GRM7: variants seen among roughly 807,000 people sequenced by gnomAD.
The protein encoded by GRM7 is glutamate metabotropic receptor 7.
A neutral mutation model predicts 84.5 loss-of-function variants in GRM7; 35 were observed. The observed-to-expected ratio is 0.41, with a 90% CI of 0.32 to 0.55. The LOEUF (loss-of-function observed/expected upper bound fraction) is 0.55. Among genes scored for constraint, GRM7 ranks in the 20% least tolerant of loss-of-function variants. The pLI, the probability that GRM7 is intolerant of heterozygous loss-of-function variation, is 0.19. For synonymous variants in GRM7, 487 were observed against 455.1 expected (o/e 1.07, Z -0.89); for missense variants, 1,003 against 1,194.6 (o/e 0.84, Z 2.36).
chr3:7,108,066 C>G (rs973325160), intron 1 of GRM7, among the ~76,000 whole-genome samples: 1 of 151,976 alleles, frequency 6.6e-6, no homozygotes, highest in Non-Finnish European at 1.5e-5. Context: ...TTCACTGTAC[C>G]AAGCAATGGG....
chr3:7,346,819 AT>A (rs2125086342), intron 4 of GRM7, among the ~76,000 whole-genome samples: 1 of 152,254 alleles, frequency 6.6e-6, no homozygotes, highest in East Asian at 1.9e-4. Flanking sequence ...CTGATCCTTT[AT>A]GATAAGATGA....
At chr3:6,938,229 A>G (rs1697756917) in intron 1 of GRM7, among the ~76,000 whole-genome samples, 1 of 152,192 alleles carries the variant, frequency 6.6e-6, no homozygotes, top group Non-Finnish European at 1.5e-5. Flanking sequence ...GATTTCTCAA[A>G]TGTATTATAG....
At chr3:7,175,589 G>A (rs1283566136) in intron 2 of GRM7, among the ~76,000 whole-genome samples, 1 of 152,176 alleles carries the variant, frequency 6.6e-6, no homozygotes, top group Non-Finnish European at 1.5e-5. Flanking sequence ...CCAGGCTAGA[G>A]TGCAGTGGTG....
intron 1 of GRM7, among the ~76,000 whole-genome samples, chr3:7,130,192 A>G (rs751837928): frequency 3.3e-4 from 51 of 152,276 alleles, no homozygotes; most frequent in Non-Finnish European, 7.1e-4. Flanking sequence ...TCTAAAGGCT[A>G]TGATCAGGAA....
chr3:7,135,059 TTGA>T (rs1328779177), intron 1 of GRM7, among the ~76,000 whole-genome samples: 3 of 152,174 alleles, frequency 2.0e-5, no homozygotes, highest in Non-Finnish European at 2.9e-5. Flanking sequence ...GTTGCAATAA[TTGA>T]TGATAACTTC....
intron 4 of GRM7, among the ~76,000 whole-genome samples, chr3:7,317,162 A>T (rs995888096): frequency 6.6e-6 from 1 of 152,116 alleles, no homozygotes; most frequent in African/African-American, 2.4e-5. Flanking sequence ...ACATAGACTT[A>T]TTGCGTCTGA....
chr3:7,283,142 G>A (rs530925614), intron 2 of GRM7, among the ~76,000 whole-genome samples: 4 of 152,072 alleles, frequency 2.6e-5, no homozygotes, highest in Non-Finnish European at 4.4e-5. Context: ...CTGAGTTGTA[G>A]GGAATGGTGA....
chr3:6,994,021 C>T (rs922126894), intron 1 of GRM7, among the ~76,000 whole-genome samples: 1 of 151,726 alleles, frequency 6.6e-6, no homozygotes, highest in African/African-American at 2.4e-5. Context: ...AAATAGAAAA[C>T]GATAATTGAT....
At chr3:7,352,077 A>ACACACACG (rs1693184748) in intron 4 of GRM7, among the ~76,000 whole-genome samples, 1 of 150,054 alleles carries the variant, frequency 6.7e-6, no homozygotes, top group African/African-American at 2.5e-5. Flanking sequence ...ACACACACAC[A>ACACACACG]CACACACACA....
At chr3:7,231,199 C>T (rs1411228597) in intron 2 of GRM7, among the ~76,000 whole-genome samples, 2 of 152,134 alleles carry the variant, frequency 1.3e-5, no homozygotes, top group African/African-American at 4.8e-5. Context: ...AGGCATTTGA[C>T]ATGTGAGATT....
intron 2 of GRM7, among the ~76,000 whole-genome samples, chr3:7,175,910 C>A (rs1048253690): frequency 1.3e-5 from 2 of 152,020 alleles, no homozygotes; most frequent in African/African-American, 4.8e-5. Context: ...CAGTACAAAC[C>A]CACCAAAAGC....
chr3:7,097,111 A>G (rs951683768), intron 1 of GRM7, among the ~76,000 whole-genome samples: 3 of 152,134 alleles, frequency 2.0e-5, no homozygotes, highest in Non-Finnish European at 4.4e-5. Flanking sequence ...GAAGTCACCC[A>G]TGCATGCTGG....
At chr3:7,213,587 G>A (rs567826174) in intron 2 of GRM7, among the ~76,000 whole-genome samples, 1 of 152,258 alleles carries the variant, frequency 6.6e-6, no homozygotes, top group African/African-American at 2.4e-5. Context: ...AGGTTTACTG[G>A]GGAGAACTCT....
At chr3:7,417,272 T>C (rs1696203847) in intron 5 of GRM7, among the ~76,000 whole-genome samples, 2 of 152,100 alleles carry the variant, frequency 1.3e-5, no homozygotes, top group South Asian at 4.1e-4. Flanking sequence ...CTCATCACTT[T>C]CTTTGTGATG....
At chr3:6,968,571 G>A (rs573253375) in intron 1 of GRM7, among the ~76,000 whole-genome samples, 1 of 152,112 alleles carries the variant, frequency 6.6e-6, no homozygotes, top group Non-Finnish European at 1.5e-5. Context: ...CATTAAGTTG[G>A]AAATAAGCTA....
At chr3:7,305,244 A>G (rs995400831) in intron 3 of GRM7, among the ~76,000 whole-genome samples, 1 of 146,078 alleles carries the variant, frequency 6.8e-6, no homozygotes, top group African/African-American at 2.6e-5. Flanking sequence ...ACCTTTTACT[A>G]TTTTGGTGTT....
intron 1 of GRM7, among the ~76,000 whole-genome samples, chr3:6,923,804 G>A (rs992545048): frequency 6.6e-6 from 1 of 152,236 alleles, no homozygotes; most frequent in East Asian, 1.9e-4. Flanking sequence ...TCCCGTTTAT[G>A]GGACTATAAA....
intron 7 of GRM7, among the ~76,000 whole-genome samples, chr3:7,497,142 G>T (rs1452208233): frequency 6.6e-6 from 1 of 151,876 alleles, no homozygotes; most frequent in Non-Finnish European, 1.5e-5. Context: ...TGGCTCTCTT[G>T]GTCATGAAGT....
chr3:6,978,914 G>A (rs1694096367), intron 1 of GRM7, among the ~76,000 whole-genome samples: 1 of 152,066 alleles, frequency 6.6e-6, no homozygotes, highest in Non-Finnish European at 1.5e-5. Flanking sequence ...AGAGAGAAGA[G>A]GTATGGACAT....
Sources: allele counts gnomAD v4.1 joint callset (sites outside exome capture counted in the v4.1 genomes callset), GRCh38; gene constraint gnomAD v4.1.1; transcripts MANE v1.5; gene names NCBI Gene and HGNC (gene_info 2026-07-23, HGNC 2026-07-21).